The following SMYD1 variants were observed in gnomAD, a reference collection of about 807,000 sequenced individuals.
SMYD1 encodes SET and MYND domain containing 1.
Under a neutral mutation model 54.0 loss-of-function variants are expected in SMYD1, and 49 were observed. That is an observed-to-expected ratio of 0.91 (90% CI 0.72 to 1.15). SMYD1 has a LOEUF of 1.15. Ranked by LOEUF, SMYD1 falls within the 50% of genes most tolerant of loss-of-function variation. The pLI, the probability that SMYD1 is intolerant of heterozygous loss-of-function variation, is 0.00. For missense variants in SMYD1, 653 were observed against 639.6 expected (o/e 1.02, Z -0.23); for synonymous variants, 269 against 234.2 (o/e 1.15, Z -1.36).
rs1355528564 is a variant in SMYD1 at position 88,111,264 on chromosome 2, C to T, written c.*752C>T. The T allele has an allele frequency of 3.9e-5, 6 of 152,232 alleles. No homozygotes were observed. Among genetic ancestry groups the T allele is most frequent in the Non-Finnish European group, 7.3e-5 (5 of 68,048 alleles). 9.4% of individuals were successfully genotyped at this position (152,232 alleles called of 1,614,324 possible). A position where few individuals can be genotyped will look rare whatever the true frequency, so the allele number is the denominator to read the frequency against. On this transcript the variant is annotated 3_prime_UTR_variant, in exon 10 of 10. Transcript: ENST00000419482. ...GAATTCTAGAAATATTTCTAGAACA[C>T]ACAGAGAGGGAATAAGTCCCTCTAT...
At chr2:88,096,988 G>A (rs558019509) in intron 6 of SMYD1, among the ~76,000 whole-genome samples, 1 of 152,296 alleles carries the variant, frequency 6.6e-6, no homozygotes, top group East Asian at 1.9e-4. Flanking sequence ...AGGTGTTTGA[G>A]TTTGGGGAAG....
chr2:88,105,396 C>CACACACAT (rs1356681885), intron 7 of SMYD1, among the ~76,000 whole-genome samples: 1 of 152,008 alleles, frequency 6.6e-6, no homozygotes, highest in African/African-American at 2.4e-5. Flanking sequence ...CACACACACA[C>CACACACAT]ACATATCGAT....
rs1295840092 is a variant in SMYD1, at chr2:88,086,978, TC to T, written c.315-878del. On this transcript the variant is annotated intron_variant, in intron 2 of 9. Coordinates refer to ENST00000419482, the MANE Select transcript of SMYD1 (RefSeq NM_198274.4). Reference sequence around the variant, plus strand: ...TAGGTACATCTCCCAATGCTATCCCTCCCCCCTCCCCCCACCCCACCACAGT... The same window carrying T: ...TAGGTACATCTCCCAATGCTATCCCTCCCCCTCCCCCCACCCCACCACAGT... Among the ~76,000 whole-genome samples the T allele has an allele frequency of 4.2e-5, 3 of 70,598 alleles. No individual in the cohort carries two copies. The South Asian group carries it at 1.8e-3, about 42-fold the overall frequency. The allele number at this position is 70,598 out of a possible 152,430, so 46.3% of individuals were successfully genotyped here. A position where few individuals can be genotyped will look rare whatever the true frequency, so the allele number is the denominator to read the frequency against.
intron 1 of SMYD1, among the ~76,000 whole-genome samples, chr2:88,073,301 A>G (rs1484594468): frequency 6.6e-6 from 1 of 152,188 alleles, no homozygotes; most frequent in East Asian, 1.9e-4. Context: ...TTCTTTATAC[A>G]ATCCACCATT....
chr2:88,081,356 TG>T (rs1195779635), intron 1 of SMYD1, among the ~76,000 whole-genome samples: 1 of 151,864 alleles, frequency 6.6e-6, no homozygotes, highest in African/African-American at 2.4e-5. Context: ...ACAAACAGAG[TG>T]GAAACTCTGT....
intron 7 of SMYD1, among the ~76,000 whole-genome samples, chr2:88,104,455 G>A (rs1014352629): frequency 3.3e-5 from 5 of 152,224 alleles, no homozygotes; most frequent in Non-Finnish European, 7.3e-5. Context: ...TCAGAGGCAC[G>A]AGGTGGGAGC....
At chr2:88,068,058 A>C in intron 1 of SMYD1, 57 bp downstream of exon 1, 1 of 1,547,556 alleles carries the variant, frequency 6.5e-7, no homozygotes, top group African/African-American at 1.4e-5. Context: ...GCCAAACTCT[A>C]AAATACTTTG....
At position 88,093,520 on chromosome 2, in the gene SMYD1, TGA is replaced by T; in HGVS notation, c.665_666del (p.Glu222GlyfsTer13). 6.2e-7 allele frequency: 1 copy of T among 1,614,186 alleles called. No homozygotes were observed. The highest frequency in any genetic ancestry group is 2.2e-5 in the East Asian group (1 of 44,884). ...GGGTGTCTGTTTTGTCTTTCAGTCA[TGA>T]GGCAGTGAAATCCATGTTTCATACC... is the stretch of plus-strand genomic sequence containing the variant. ...CTVIFNNGNH[E>X]AVKSMFHTQM... On this transcript the variant is annotated frameshift_variant, in exon 5 of 10. Coordinates refer to ENST00000419482, the MANE Select transcript of SMYD1 (RefSeq NM_198274.4). LOFTEE classifies it high-confidence loss of function.
At chr2:88,082,365 T>C (rs982457287) in intron 1 of SMYD1, among the ~76,000 whole-genome samples, 8 of 152,202 alleles carry the variant, frequency 5.3e-5, no homozygotes, top group African/African-American at 1.9e-4. Flanking sequence ...ATACACCTCC[T>C]AGTGGATGGG....
At chr2:88,081,133 C>G (rs1270830692) in intron 1 of SMYD1, among the ~76,000 whole-genome samples, 1 of 152,066 alleles carries the variant, frequency 6.6e-6, no homozygotes, top group East Asian at 1.9e-4. Flanking sequence ...GAACTCCTGA[C>G]CTCAGATGAT....
At chr2:88,078,990 G>T (rs532804347) in intron 1 of SMYD1, among the ~76,000 whole-genome samples, 3 of 152,254 alleles carry the variant, frequency 2.0e-5, no homozygotes, top group African/African-American at 7.2e-5. Flanking sequence ...TGTGATCCTG[G>T]AGGAACTATT....
At position 88,103,081 on chromosome 2, in the gene SMYD1, G is replaced by T; in HGVS notation, c.912G>T (p.Glu304Asp). ...AGCCCTCTCAGGAAGTGGTGAAGGAGATGATACAATTCTCCAAGGATACAT... is the reference window on the plus strand; with the variant it reads ...AGCCCTCTCAGGAAGTGGTGAAGGATATGATACAATTCTCCAAGGATACAT... ...NPKPSQEVVK[E>D]MIQFSKDTLE... Residue 304 changes from glutamate to aspartate, a missense_variant, in exon 7 of 10, where the codon GAG becomes GAT. Coordinates refer to ENST00000419482, the MANE Select transcript of SMYD1 (RefSeq NM_198274.4). The T allele has an allele frequency of 6.2e-7, 1 of 1,614,116 alleles. No individual in the cohort carries two copies. Among genetic ancestry groups the T allele is most frequent in the East Asian group, 2.2e-5 (1 of 44,880 alleles).
At chr2:88,089,495 G>T (rs982468239) in intron 3 of SMYD1, among the ~76,000 whole-genome samples, 1 of 151,532 alleles carries the variant, frequency 6.6e-6, no homozygotes, top group Non-Finnish European at 1.5e-5. Context: ...GCCCAGAGGG[G>T]TTACATGACC....
chr2:88,093,165 A>C (rs955523719), intron 4 of SMYD1, among the ~76,000 whole-genome samples: 3 of 152,212 alleles, frequency 2.0e-5, no homozygotes, highest in Non-Finnish European at 4.4e-5. Flanking sequence ...AGGATGCTTA[A>C]TAGAATGATA....
intron 7 of SMYD1, among the ~76,000 whole-genome samples, chr2:88,104,183 G>A (rs1189707892): frequency 6.6e-6 from 1 of 152,196 alleles, no homozygotes; most frequent in African/African-American, 2.4e-5. Context: ...AGCCAGGATG[G>A]TCTCGATTTC....
chr2:88,072,124 C>G (rs956075471), intron 1 of SMYD1, among the ~76,000 whole-genome samples: 2 of 151,726 alleles, frequency 1.3e-5, no homozygotes, highest in African/African-American at 2.4e-5. Flanking sequence ...GGGTGGGGGT[C>G]CTGGAAGAAA....
chr2:88,104,867 C>A (rs1324040366), intron 7 of SMYD1, among the ~76,000 whole-genome samples: 2 of 152,212 alleles, frequency 1.3e-5, no homozygotes, highest in African/African-American at 4.8e-5. Flanking sequence ...TCAGAAAAGC[C>A]TGACTCCAGG....
At chr2:88,073,873 G>A (rs752229636) in intron 1 of SMYD1, among the ~76,000 whole-genome samples, 1 of 152,072 alleles carries the variant, frequency 6.6e-6, no homozygotes. Flanking sequence ...TTTATGAATT[G>A]TTGTTTTCTT....
At chr2:88,100,707 A>T (rs1674701447) in intron 6 of SMYD1, among the ~76,000 whole-genome samples, 1 of 152,208 alleles carries the variant, frequency 6.6e-6, no homozygotes, top group Non-Finnish European at 1.5e-5. Context: ...ATTTGAGTTC[A>T]CAGAGGGCTG....
Sources: allele counts gnomAD v4.1 joint callset (sites outside exome capture counted in the v4.1 genomes callset), GRCh38; gene constraint gnomAD v4.1.1; transcripts MANE v1.5; gene names NCBI Gene and HGNC (gene_info 2026-07-23, HGNC 2026-07-21).